ARL13A: variants seen among roughly 807,000 people sequenced by gnomAD.
The protein encoded by ARL13A is ADP-ribosylation factor-like protein 13A.
ARL13A carries 16 observed loss-of-function variants against 19.1 expected under a neutral mutation model. The observed-to-expected ratio is 0.84, with a 90% CI of 0.57 to 1.27. ARL13A has a LOEUF of 1.27. Ranked by LOEUF, ARL13A falls within the 50% of genes most tolerant of loss-of-function variation. The pLI, the probability that ARL13A is intolerant of heterozygous loss-of-function variation, is 0.00. For synonymous variants in ARL13A, 69 were observed against 71.3 expected (o/e 0.97, Z 0.17); for missense variants, 153 against 186.4 (o/e 0.82, Z 1.04).
chrX:100,987,049 A>G (rs1411453671), intron 5 of ARL13A, 148 bp downstream of exon 5: 1 of 425,388 alleles, frequency 2.4e-6, no homozygotes, highest in Non-Finnish European at 4.1e-6. Context: ...CTTGATGGTG[A>G]TAATAAATAT....
chrX:100,969,770 C>G lies in ARL13A; in HGVS notation c.-54C>G, dbSNP rs1240849520. On this transcript the variant is annotated 5_prime_UTR_variant, in exon 1 of 8. The change creates a new upstream start codon in the 5' untranslated region. Transcript: ENST00000450049. ...ACTCTGCATATCTTATGTCTTCCAT[C>G]CAAAAAGAATCAACTTATCAGATAA... The G allele has an allele frequency of 8.9e-6, 1 of 112,127 alleles. No homozygotes were observed. The highest frequency in any genetic ancestry group is 2.8e-4 in the East Asian group (1 of 3,567). The allele number at this position is 112,127 out of a possible 1,213,427, so 9.2% of individuals were successfully genotyped here.
intron 3 of ARL13A, among the ~76,000 whole-genome samples, chrX:100,980,346 C>T (rs1417068227): frequency 5.5e-5 from 6 of 108,996 alleles, no homozygotes; most frequent in African/African-American, 1.7e-4. Context: ...TCTCCCCTTT[C>T]CTCAAGCAGA....
At chrX:100,973,538 T>G (rs1390015291) in intron 1 of ARL13A, 138 bp from the exon 2 acceptor site, 1 of 937,067 alleles carries the variant, frequency 1.1e-6, no homozygotes, top group Non-Finnish European at 1.5e-6. Context: ...TAGACACAGT[T>G]GGATAGAATG....
At chrX:100,981,158 C>T (rs1344552039) in intron 3 of ARL13A, among the ~76,000 whole-genome samples, 6 of 111,560 alleles carry the variant, frequency 5.4e-5, no homozygotes. Flanking sequence ...AACCGCAGTC[C>T]TTGTGGCCTG....
At chrX:100,987,618 C>A (rs968041263) in intron 6 of ARL13A, 62 bp downstream of exon 6, 8 of 1,146,586 alleles carry the variant, frequency 7.0e-6, no homozygotes, top group Admixed American at 4.6e-5. Context: ...GTCTTTCTCA[C>A]GAGCAAGGAG....
chrX:100,982,892 C>T (rs2085881950), intron 3 of ARL13A, among the ~76,000 whole-genome samples: 1 of 110,506 alleles, frequency 9.0e-6, no homozygotes, highest in South Asian at 3.9e-4. Flanking sequence ...AGTAGTGGTA[C>T]TCAAGCTTTA....
At chrX:100,982,423 C>T (rs1418249635) in intron 3 of ARL13A, among the ~76,000 whole-genome samples, 1 of 109,467 alleles carries the variant, frequency 9.1e-6, no homozygotes, top group Non-Finnish European at 1.9e-5. Context: ...ACTCGGGAGG[C>T]AAAGGGTGTA....
At chrX:100,976,255 T>C (rs1259574267) in intron 3 of ARL13A, among the ~76,000 whole-genome samples, 1 of 110,249 alleles carries the variant, frequency 9.1e-6, no homozygotes, top group Non-Finnish European at 1.9e-5. Context: ...GGGTTTCTGA[T>C]GGCCAGCCAG....
chrX:100,982,327 A>G lies in ARL13A; in HGVS notation c.131-3340A>G, dbSNP rs1287545855. On this transcript the variant is annotated intron_variant, in intron 3 of 7. Transcript: ENST00000450049. ...CCAACATGGTGAAACCCCCGTCTCT[A>G]CTAAAAATACAAAAATTGGCTGGGT... 3.6e-5 allele frequency among the ~76,000 whole-genome samples: 4 copies of G among 110,722 alleles called. No individual in the cohort carries two copies. In the Admixed American group the frequency reaches 3.9e-4, roughly 11 times the overall value.
chrX:100,988,352 C>T (rs1172008027), intron 7 of ARL13A, 69 bp downstream of exon 7: 1 of 1,204,310 alleles, frequency 8.3e-7, no homozygotes, highest in African/African-American at 1.8e-5. Context: ...ACTAACTTTC[C>T]CCCCCATCAT....
At chrX:100,974,366 G>C (rs770691535) in intron 3 of ARL13A, among the ~76,000 whole-genome samples, 169 bp downstream of exon 3, 1 of 103,532 alleles carries the variant, frequency 9.7e-6, no homozygotes, top group East Asian at 3.1e-4. Context: ...ATCTCTCTCT[G>C]TCTCTCTCTC....
chrX:100,976,179 A>G (rs1471203403), intron 3 of ARL13A, among the ~76,000 whole-genome samples: 1 of 109,124 alleles, frequency 9.2e-6, no homozygotes, highest in Non-Finnish European at 1.9e-5. Context: ...CCCCAACTCA[A>G]CCTCATCCCT....
intron 6 of ARL13A, 86 bp from the exon 7 acceptor site, chrX:100,988,107 G>T: frequency 1.4e-6 from 1 of 732,044 alleles, no homozygotes; most frequent in Non-Finnish European, 2.0e-6. Flanking sequence ...AAGGCATATG[G>T]CAGGGATGGG....
At chrX:100,982,943 G>A (rs1183048894) in intron 3 of ARL13A, among the ~76,000 whole-genome samples, 1 of 110,567 alleles carries the variant, frequency 9.0e-6, no homozygotes, top group Non-Finnish European at 1.9e-5. Context: ...TAACCATAGG[G>A]AGTTCATTAA....
chrX:100,987,532 C>A lies in ARL13A; in HGVS notation c.629C>A (p.Ser210Tyr). 12 of 1,211,136 alleles carry A rather than the reference C, an allele frequency of 9.9e-6. No individual in the cohort carries two copies. Among genetic ancestry groups the A allele is most frequent in the Non-Finnish European group, 1.3e-5 (12 of 895,438 alleles). The change falls in exon 6 of 8, where the codon TCT (serine) becomes TAT (tyrosine). Residue 210 changes from serine to tyrosine, a missense_variant. Ser to Tyr is a moderately radical substitution (Grantham distance 144, BLOSUM62 -2). Transcript: ENST00000450049. ...SISISKNNTG[S>Y]GERCSSHSFS... Reference sequence around the variant, plus strand: ...TCAATCTCCAAGAATAACACAGGCTCTGGAGAAAGATGCTCATCACACAGG... The same window carrying A: ...TCAATCTCCAAGAATAACACAGGCTATGGAGAAAGATGCTCATCACACAGG...
At chrX:100,972,890 G>A (rs777648422) in intron 1 of ARL13A, among the ~76,000 whole-genome samples, 5 of 332 alleles carry the variant, frequency 0.015, no homozygotes, top group Admixed American at 0.059. Flanking sequence ...GGTGGCTGCC[G>A]GGCGGAGAGG....
rs1475941452 is a variant in ARL13A at position 100,988,293 on chromosome X, C to T, written c.744+10C>T. On this transcript the variant is annotated intron_variant, in intron 7 of 7. Transcript: ENST00000450049. ...AAAGTCAATCCTACAGGTAAATGGCCCTTTAAATGTTAATATTCAGTGACC... is the reference window on the plus strand; with the variant it reads ...AAAGTCAATCCTACAGGTAAATGGCTCTTTAAATGTTAATATTCAGTGACC... 4 of 1,205,620 alleles carry T rather than the reference C, an allele frequency of 3.3e-6. No individual in the cohort carries two copies. The highest frequency in any genetic ancestry group is 4.5e-6 in the Non-Finnish European group (4 of 891,516).
chrX:100,982,202 T>C (rs2085867390), intron 3 of ARL13A, among the ~76,000 whole-genome samples: 1 of 110,966 alleles, frequency 9.0e-6, no homozygotes, highest in Non-Finnish European at 1.9e-5. Context: ...GAACGAGGCC[T>C]GGAGGTGGCT....
chrX:100,986,985 T>C (rs1025879086), intron 5 of ARL13A, 84 bp downstream of exon 5: 4 of 605,741 alleles, frequency 6.6e-6, no homozygotes, highest in Middle Eastern at 3.3e-4. Flanking sequence ...GTCCCATATG[T>C]TGGGTTTGGG....
Sources: gnomAD v4.1 joint callset for allele counts (sites outside exome capture counted in the v4.1 genomes callset) on GRCh38, gnomAD v4.1.1 for gene constraint, MANE v1.5 for transcripts, NCBI Gene and HGNC (gene_info 2026-07-23, HGNC 2026-07-21) for gene names.